The following CEP83 variants were observed in gnomAD, a reference collection of about 807,000 sequenced individuals.
The protein encoded by CEP83 is centrosomal protein 83, also known as centrosomal protein of 83 kDa.
CEP83 carries 70 observed loss-of-function variants against 101.9 expected under a neutral mutation model. The ratio of observed to expected loss-of-function variants is 0.69; its 90% CI spans 0.57 to 0.84. CEP83 has a LOEUF of 0.84. CEP83 is among the 40% of genes least tolerant of loss of function. CEP83 has a pLI of 0.00. For missense variants in CEP83, 715 were observed against 787.2 expected (o/e 0.91, Z 1.10); for synonymous variants, 264 against 267.9 (o/e 0.99, Z 0.14).
At chr12:94,280,783 A>G in the CEP83 span, among the ~76,000 whole-genome samples, 1 of 152,212 alleles carries the variant, frequency 6.6e-6, no homozygotes, top group Admixed American at 6.5e-5. Context: ...CCCGCCCGAC[A>G]GTCTTGGTCC....
At chr12:94,366,254 T>G (rs769456093) in intron 11 of CEP83, among the ~76,000 whole-genome samples, 1 of 151,948 alleles carries the variant, frequency 6.6e-6, no homozygotes, top group Non-Finnish European at 1.5e-5. Context: ...CAGAATAGAA[T>G]AGAAAGAATA....
rs370223676 is a variant in CEP83, at chr12:94,459,864, G to A, written c.-462C>T. The A allele has an allele frequency of 6.5e-6, 1 of 153,432 alleles. No individual in the cohort carries two copies. The highest frequency in any genetic ancestry group is 6.5e-5 in the Admixed American group (1 of 15,290). 9.5% of individuals were successfully genotyped at this position (153,432 alleles called of 1,614,324 possible). A position where few individuals can be genotyped will look rare whatever the true frequency, so the allele number is the denominator to read the frequency against. Reference sequence around the variant, plus strand: ...CCTCCGCGTGGACCGGGATCCTCAGGGGTGCGGCGCCACCCCACGTGCTGA... The same window carrying A: ...CCTCCGCGTGGACCGGGATCCTCAGAGGTGCGGCGCCACCCCACGTGCTGA... On this transcript the variant is annotated 5_prime_UTR_variant, in exon 1 of 17. Transcript: ENST00000397809.
chr12:94,272,482 T>C, the CEP83 span: 1 of 152,348 alleles, frequency 6.6e-6, no homozygotes, highest in Non-Finnish European at 1.5e-5. Flanking sequence ...AACCAGAACA[T>C]GTCCTGACTC....
chr12:94,376,608 G>A (rs139147041), intron 7 of CEP83, among the ~76,000 whole-genome samples: 17 of 150,608 alleles, frequency 1.1e-4, no homozygotes, highest in Admixed American at 1.3e-4. Flanking sequence ...TGGTAATATC[G>A]ATAGTACTCT....
intron 2 of CEP83, among the ~76,000 whole-genome samples, chr12:94,418,079 C>G (rs2064424674): frequency 6.6e-6 from 1 of 151,948 alleles, no homozygotes; most frequent in Non-Finnish European, 1.5e-5. Context: ...CTGAAAAATA[C>G]GGCTAAGCCT....
At chr12:94,341,204 TA>T (rs370221834) in intron 11 of CEP83, among the ~76,000 whole-genome samples, 2,647 of 149,394 alleles carry the variant, frequency 0.018, 91 homozygotes, top group African/African-American at 0.059. Flanking sequence ...AAGCTAGTGG[TA>T]AAAAAAAAAC....
intron 7 of CEP83, among the ~76,000 whole-genome samples, chr12:94,378,170 C>T (rs1383044915): frequency 2.0e-5 from 3 of 151,996 alleles, no homozygotes; most frequent in African/African-American, 7.2e-5. Flanking sequence ...ACAAGTTAGG[C>T]ACTAAGAACT....
chr12:94,284,200 T>C, the CEP83 span, among the ~76,000 whole-genome samples: 1 of 152,188 alleles, frequency 6.6e-6, no homozygotes. Context: ...CAGAATCTTG[T>C]AGCCTCCAGC....
chr12:94,404,464 C>T (rs2063426826), intron 4 of CEP83, among the ~76,000 whole-genome samples: 1 of 152,028 alleles, frequency 6.6e-6, no homozygotes, highest in Admixed American at 6.5e-5. Context: ...TGAGTTAAAG[C>T]CATTTTGAAT....
intron 1 of CEP83, among the ~76,000 whole-genome samples, chr12:94,457,078 T>G (rs2067737064): frequency 6.6e-6 from 1 of 152,010 alleles, no homozygotes; most frequent in Non-Finnish European, 1.5e-5. Context: ...GGGAATAAGA[T>G]CAGGTCACGG....
In CEP83 at chr12:94,307,769, T is replaced by C. The variant is rs1969225693; in HGVS notation, c.*1044A>G. On this transcript the variant is annotated 3_prime_UTR_variant, in exon 17 of 17. Coordinates refer to ENST00000397809, the MANE Select transcript of CEP83 (RefSeq NM_016122.3). ...TTATTTTTCAGAGATAAGGTGTCAC[T>C]GTATATGCTGTGAATAAGCAGCTAT... 1 of 152,116 alleles carries C rather than the reference T, an allele frequency of 6.6e-6. No homozygotes were observed. Among genetic ancestry groups the C allele is most frequent in the African/African-American group, 2.4e-5 (1 of 41,446 alleles). 9.4% of individuals were successfully genotyped at this position (152,116 alleles called of 1,614,324 possible).
In CEP83 at chr12:94,344,232, G is replaced by A. The variant is rs192261292; in HGVS notation, c.1344-8568C>T. On this transcript the variant is annotated intron_variant, in intron 11 of 16. Coordinates refer to ENST00000397809, the MANE Select transcript of CEP83 (RefSeq NM_016122.3). ...ACAACTCTTTGGCAGAAAGAAAAAT[G>A]CAAATTAAAATTAGTGAATTTCTTT... 4.3e-3 allele frequency among the ~76,000 whole-genome samples: 659 copies of A among 152,268 alleles called. 7 individuals are homozygous for A. The highest frequency in any genetic ancestry group is 2.7e-3 in the Non-Finnish European group (181 of 68,018).
chr12:94,284,082 CAG>C, the CEP83 span, among the ~76,000 whole-genome samples: 4 of 109,970 alleles, frequency 3.6e-5, no homozygotes, highest in Admixed American at 2.2e-4. Flanking sequence ...GACTCCATGT[CAG>C]GGGAAAAAAA....
At chr12:94,362,231 T>A (rs1313789971) in intron 11 of CEP83, among the ~76,000 whole-genome samples, 2 of 152,092 alleles carry the variant, frequency 1.3e-5, no homozygotes, top group African/African-American at 4.8e-5. Flanking sequence ...ACAAATGTTG[T>A]CAAGAATGAG....
In CEP83 at chr12:94,412,298, T is replaced by A. The variant is rs751494193; in HGVS notation, c.173+20A>T. 2 of 1,573,028 alleles carry A rather than the reference T, an allele frequency of 1.3e-6. No homozygotes were observed. Among genetic ancestry groups the A allele is most frequent in the Non-Finnish European group, 1.7e-6 (2 of 1,162,390 alleles). ...TAACTTTTTAAAACCAAACCCCACT[T>A]CTAGATTTAAGTAATTTACCTTGTG... On this transcript the variant is annotated intron_variant, in intron 3 of 16. Transcript: ENST00000397809.
chr12:94,438,285 T>C (rs1444383392), intron 1 of CEP83, among the ~76,000 whole-genome samples: 1 of 151,314 alleles, frequency 6.6e-6, no homozygotes, highest in African/African-American at 2.4e-5. Context: ...AAGTATCTGC[T>C]GCCTTCAAGA....
intron 14 of CEP83, among the ~76,000 whole-genome samples, chr12:94,314,525 G>A (rs993132405): frequency 8.5e-5 from 13 of 152,162 alleles, no homozygotes; most frequent in Non-Finnish European, 5.9e-5. Context: ...TGAGATTTAT[G>A]TTACTTACAG....
chr12:94,355,999 A>G (rs1180696061), intron 11 of CEP83, among the ~76,000 whole-genome samples: 3 of 152,000 alleles, frequency 2.0e-5, no homozygotes, highest in East Asian at 3.9e-4. Context: ...TCACACCTCT[A>G]TATTTCTGCG....
chr12:94,428,576 G>A (rs2065382488), intron 2 of CEP83, among the ~76,000 whole-genome samples: 1 of 152,136 alleles, frequency 6.6e-6, no homozygotes, highest in Admixed American at 6.5e-5. Flanking sequence ...TTTTACTGCA[G>A]TTAACACAAA....
Sources: gnomAD v4.1 joint callset for allele counts (sites outside exome capture counted in the v4.1 genomes callset) on GRCh38, gnomAD v4.1.1 for gene constraint, MANE v1.5 for transcripts, NCBI Gene and HGNC (gene_info 2026-07-23, HGNC 2026-07-21) for gene names.